Variants in CSPP1 observed in about 807,000 individuals in gnomAD.
CSPP1 encodes centrosome and spindle pole-associated protein 1.
Under a neutral mutation model 164.4 loss-of-function variants are expected in CSPP1, and 126 were observed. The ratio of observed to expected loss-of-function variants is 0.77; its 90% CI spans 0.66 to 0.89. CSPP1 has a LOEUF of 0.89. Ranked by LOEUF, CSPP1 falls within the 40% of genes least tolerant of loss-of-function variation. The pLI, the probability that CSPP1 is intolerant of heterozygous loss-of-function variation, is 0.00. For missense variants in CSPP1, 1,395 were observed against 1,449.8 expected (o/e 0.96, Z 0.61); for synonymous variants, 472 against 476.7 (o/e 0.99, Z 0.13).
chr8:67,192,093 TAC>T lies in CSPP1; in HGVS notation c.3330+1336_3330+1337del, dbSNP rs1365126636. Among the ~76,000 whole-genome samples the T allele has an allele frequency of 9.7e-4, 144 of 148,220 alleles. 1 individual carries two copies. In the Middle Eastern group the frequency reaches 0.014, roughly 14 times the overall value. On this transcript the variant is annotated intron_variant, in intron 29 of 30. Transcript: ENST00000678616. ...TTTTTTTTTTGTTTTTTTTTTTTGATACAGAGTCCTGCTCTGTCACCTAGGCT... is the reference window on the plus strand; with the variant it reads ...TTTTTTTTTTGTTTTTTTTTTTTGATAGAGTCCTGCTCTGTCACCTAGGCT...
chr8:67,157,423 G>A (rs1423709051), intron 19 of CSPP1, among the ~76,000 whole-genome samples: 1 of 151,980 alleles, frequency 6.6e-6, no homozygotes, highest in East Asian at 1.9e-4. Flanking sequence ...AGCCTCCTGA[G>A]TAGCTGGGAT....
intron 12 of CSPP1, 39 bp from the exon 13 acceptor site, chr8:67,115,875 G>T: frequency 6.5e-7 from 1 of 1,529,914 alleles, no homozygotes; most frequent in Non-Finnish European, 9.0e-7. Flanking sequence ...TTAAACTTAT[G>T]ATTATATGTA....
intron 1 of CSPP1, chr8:67,064,839 A>G: frequency 4.2e-6 from 1 of 240,066 alleles, no homozygotes; most frequent in Non-Finnish European, 8.2e-6. Flanking sequence ...TGGGGGCGGG[A>G]GTTCTGTGAG....
At chr8:67,194,975 TAAAAAAAATAAA>T (rs957836176) in intron 30 of CSPP1, among the ~76,000 whole-genome samples, 3 of 151,738 alleles carry the variant, frequency 2.0e-5, no homozygotes, top group Admixed American at 2.0e-4. Context: ...AACCTTGCTT[TAAAAAAAATAAA>T]AAGAAAAAAG....
rs1837940477 is a variant in CSPP1 at position 67,196,377 on chromosome 8, C to A, written c.*784C>A. 1 of 152,138 alleles carries A rather than the reference C, an allele frequency of 6.6e-6. No homozygotes were observed. Among genetic ancestry groups the A allele is most frequent in the African/African-American group, 2.4e-5 (1 of 41,428 alleles). 9.4% of individuals were successfully genotyped at this position (152,138 alleles called of 1,614,324 possible). A position where few individuals can be genotyped will look rare whatever the true frequency, so the allele number is the denominator to read the frequency against. ...GGAGTCTTCTTCTTCCACCATGGAA[C>A]CTTGGATAAGTGAGTCCATGTGAGT... On this transcript the variant is annotated 3_prime_UTR_variant, in exon 31 of 31. Coordinates refer to ENST00000678616, the MANE Select transcript of CSPP1 (RefSeq NM_001382391.1).
intron 14 of CSPP1, 48 bp downstream of exon 14, chr8:67,118,417 G>A: frequency 6.2e-7 from 1 of 1,600,056 alleles, no homozygotes; most frequent in Non-Finnish European, 8.5e-7. Context: ...GGCTCAATAA[G>A]GAAAATTGTT....
At chr8:67,074,145 A>C (rs1240775782) in intron 1 of CSPP1, 98 bp from the exon 2 acceptor site, 2 of 631,550 alleles carry the variant, frequency 3.2e-6, no homozygotes, top group African/African-American at 3.7e-5. Context: ...CAATTTGATA[A>C]GTGAGATTGA....
At position 67,149,833 on chromosome 8, in the gene CSPP1, G is replaced by A; in HGVS notation, c.2026G>A (p.Asp676Asn). The change falls in exon 18 of 31, where the codon GAT (aspartate) becomes AAT (asparagine). Residue 676 changes from aspartate to asparagine, a missense_variant. By Grantham distance (23) the Asp-to-Asn change is conservative. Transcript: ENST00000678616. ...RQNIDAYHNP[D>N]ARTYEDKRAV... ...AAATATAGATGCCTACCATAACCCAGATGCAAGAACATATGAAGATAAAAG... is the reference window on the plus strand; with the variant it reads ...AAATATAGATGCCTACCATAACCCAAATGCAAGAACATATGAAGATAAAAG... 6.2e-7 allele frequency: 1 copy of A among 1,604,380 alleles called. No homozygotes were observed. The highest frequency in any genetic ancestry group is 8.5e-7 in the Non-Finnish European group (1 of 1,176,018).
chr8:67,105,550 T>A (rs1267000622), intron 8 of CSPP1, among the ~76,000 whole-genome samples: 1 of 151,876 alleles, frequency 6.6e-6, no homozygotes, highest in Non-Finnish European at 1.5e-5. Context: ...TCAGCTAATT[T>A]TTTTGTATTT....
At chr8:67,083,548 A>AATATATATATAT (rs55758408) in intron 3 of CSPP1, 14 of 91,468 alleles carry the variant, frequency 1.5e-4, no homozygotes, top group African/African-American at 4.5e-4. Context: ...AAAAAAAAAA[A>AATATATATATAT]ATATATATAT....
At chr8:67,189,426 G>A (rs1256122154) in intron 28 of CSPP1, among the ~76,000 whole-genome samples, 1 of 152,142 alleles carries the variant, frequency 6.6e-6, no homozygotes, top group Admixed American at 6.5e-5. Context: ...ATATTTTTCA[G>A]CACTAAAACA....
Position 67,179,876 on chromosome 8 carries a change from C to T in CSPP1, c.3170C>T (p.Thr1057Ile). The T allele has an allele frequency of 6.3e-7, 1 of 1,594,724 alleles. No homozygotes were observed. Among genetic ancestry groups the T allele is most frequent in the Non-Finnish European group, 8.6e-7 (1 of 1,163,526 alleles). ...VREQRMPRDD[T>I]SDFLKNSLLE... is the part of the protein sequence containing the mutation. ...TGTTTCTTTTAGCCCAGAGATGACA[C>T]TAGTGATTTCTTGAAAAACTCATTA... is the stretch of plus-strand genomic sequence containing the variant. Residue 1057 changes from threonine to isoleucine, a missense_variant, in exon 28 of 31, where the codon ACT becomes ATT. Physicochemically the swap from Thr to Ile is moderately conservative, Grantham distance 89 (BLOSUM62 -1). Coordinates refer to ENST00000678616, the MANE Select transcript of CSPP1 (RefSeq NM_001382391.1).
intron 29 of CSPP1, among the ~76,000 whole-genome samples, chr8:67,191,580 ATGT>A (rs748095397): frequency 9.8e-5 from 15 of 152,312 alleles, no homozygotes; most frequent in Non-Finnish European, 1.8e-4. Flanking sequence ...AAGGTCATTC[ATGT>A]TGTAGCATGT....
At position 67,195,868 on chromosome 8, in the gene CSPP1, T is replaced by C. The variant is rs1837840438; in HGVS notation, c.*275T>C. ...ATTGAACTACTATATGTGCATTATA[T>C]TGAATTCTGCTTGTCATTAAGATAA... is the stretch of plus-strand genomic sequence containing the variant. On this transcript the variant is annotated 3_prime_UTR_variant, in exon 31 of 31. Transcript: ENST00000678616. The C allele has an allele frequency of 9.1e-6, 3 of 331,428 alleles. No homozygotes were observed. Among genetic ancestry groups the C allele is most frequent in the Admixed American group, 4.5e-5 (1 of 22,132 alleles). The allele number at this position is 331,428 out of a possible 1,614,324, so 20.5% of individuals were successfully genotyped here.
chr8:67,125,331 C>CTG (rs1563622597), intron 15 of CSPP1, among the ~76,000 whole-genome samples: 2 of 152,196 alleles, frequency 1.3e-5, no homozygotes, highest in African/African-American at 4.8e-5. Flanking sequence ...GTTAATCTTA[C>CTG]TGAGGATCCC....
intron 28 of CSPP1, among the ~76,000 whole-genome samples, chr8:67,182,069 A>C (rs1467784542): frequency 6.6e-6 from 1 of 152,040 alleles, no homozygotes; most frequent in Non-Finnish European, 1.5e-5. Flanking sequence ...TGGTGTGATC[A>C]TGGCTCACTG....
intron 3 of CSPP1, among the ~76,000 whole-genome samples, chr8:67,080,073 G>C (rs573914716): frequency 6.6e-6 from 1 of 152,128 alleles, no homozygotes; most frequent in Non-Finnish European, 1.5e-5. Context: ...CTGACCTCCT[G>C]CCTGATTAAT....
chr8:67,184,743 A>ATAT (rs1485317958), intron 28 of CSPP1, among the ~76,000 whole-genome samples: 2 of 127,094 alleles, frequency 1.6e-5, no homozygotes, highest in East Asian at 2.1e-4. Flanking sequence ...TAATAAAAAA[A>ATAT]TATAATAATA....
In CSPP1 at chr8:67,084,518, A is replaced by T. The variant is rs373153790; in HGVS notation, c.200-1489A>T. ...AATAAGGCACAAAATGGTGATTTTT[A>T]TATCAGTTTATAAACTACAGTCAAA... On this transcript the variant is annotated intron_variant, in intron 3 of 30. Coordinates refer to ENST00000678616, the MANE Select transcript of CSPP1 (RefSeq NM_001382391.1). Among the ~76,000 whole-genome samples the T allele has an allele frequency of 2.0e-5, 3 of 152,186 alleles. No individual in the cohort carries two copies. The South Asian group carries it at 6.2e-4, about 31-fold the overall frequency.
Sources: gnomAD v4.1 joint callset for allele counts (sites outside exome capture counted in the v4.1 genomes callset) on GRCh38, gnomAD v4.1.1 for gene constraint, MANE v1.5 for transcripts, NCBI Gene and HGNC (gene_info 2026-07-23, HGNC 2026-07-21) for gene names.